NCOA6: variants seen among roughly 807,000 people sequenced by gnomAD.
NCOA6 encodes NRC RAP250.
Under a neutral mutation model 171.4 loss-of-function variants are expected in NCOA6, and 49 were observed. The ratio of observed to expected loss-of-function variants is 0.29; its 90% CI spans 0.23 to 0.36. NCOA6 has a LOEUF of 0.36. NCOA6 is among the 10% of genes least tolerant of loss of function. The probability of loss-of-function intolerance (pLI) is 1.00; values close to 1 mark genes in which losing one functional copy is unlikely to be tolerated. For missense variants in NCOA6, 2,248 were observed against 2,554.5 expected (o/e 0.88, Z 2.59); for synonymous variants, 910 against 927.5 (o/e 0.98, Z 0.34).
intron 1 of NCOA6, chr20:34,821,746 C>G (rs1411910038): frequency 1.3e-5 from 2 of 152,170 alleles, no homozygotes; most frequent in Non-Finnish European, 2.9e-5. Context: ...CGCCACCACG[C>G]CCGGCTAATT....
At chr20:34,735,164 T>A (rs2075911100) in intron 12 of NCOA6, among the ~76,000 whole-genome samples, 1 of 152,136 alleles carries the variant, frequency 6.6e-6, no homozygotes, top group Non-Finnish European at 1.5e-5. Context: ...ATATGGTAAA[T>A]CCTATTTTCT....
intron 2 of NCOA6, among the ~76,000 whole-genome samples, chr20:34,786,492 T>C (rs2077685404): frequency 6.6e-6 from 1 of 152,222 alleles, no homozygotes; most frequent in Non-Finnish European, 1.5e-5. Context: ...TTTAGTGCTA[T>C]AAATTTCCCA....
intron 12 of NCOA6, among the ~76,000 whole-genome samples, chr20:34,735,597 T>C (rs1600779323): frequency 6.6e-6 from 1 of 151,662 alleles, no homozygotes; most frequent in South Asian, 2.1e-4. Flanking sequence ...TGAGCCGAGA[T>C]TGCGCCACTG....
chr20:34,783,807 A>G (rs535658286), intron 2 of NCOA6, among the ~76,000 whole-genome samples: 10 of 152,220 alleles, frequency 6.6e-5, no homozygotes, highest in Non-Finnish European at 2.9e-5. Context: ...TAGTTTTAGT[A>G]GAGATGGGGT....
chr20:34,789,762 C>T (rs6141514), intron 2 of NCOA6, among the ~76,000 whole-genome samples: 69,221 of 151,842 alleles, frequency 0.46, 16,236 homozygotes, highest in East Asian at 0.63. Flanking sequence ...ACTATTGCTG[C>T]TCTGAGCAAC....
intron 5 of NCOA6, among the ~76,000 whole-genome samples, chr20:34,766,315 T>TATAGTTG (rs2046423263): frequency 6.6e-6 from 1 of 152,168 alleles, no homozygotes; most frequent in Non-Finnish European, 1.5e-5. Flanking sequence ...GATAATCAAC[T>TATAGTTG]ATAGCACTAT....
intron 13 of NCOA6, among the ~76,000 whole-genome samples, chr20:34,730,260 AT>A (rs942243146): frequency 1.4e-5 from 2 of 147,772 alleles, no homozygotes; most frequent in Non-Finnish European, 3.0e-5. Flanking sequence ...TTTATTTTTT[AT>A]TTTTTTTTCA....
Position 34,757,706 on chromosome 20 carries a change from G to T in NCOA6, c.1042C>A (p.Pro348Thr), listed in dbSNP as rs2076684171. The T allele has an allele frequency of 1.2e-6, 2 of 1,614,170 alleles. No individual in the cohort carries two copies. Among genetic ancestry groups the T allele is most frequent in the East Asian group, 4.5e-5 (2 of 44,892 alleles). Residue 348 changes from proline (P) to threonine (T), a missense_variant, in exon 7 of 15, where the codon CCC becomes ACC. By Grantham distance (38) the Pro-to-Thr change is conservative. Transcript: ENST00000359003. ...TGCTGTTGCATTGGGCCGGGCAAGG[G>T]AGCCTTCTTCCACCCTTGGTTTGCA... Reference protein sequence around the residue: ...MTANQGWKKAPLPGPMQQQLQ... With the variant: ...MTANQGWKKATLPGPMQQQLQ...
intron 13 of NCOA6, among the ~76,000 whole-genome samples, chr20:34,731,847 C>A (rs2075790362): frequency 6.6e-6 from 1 of 152,038 alleles, no homozygotes; most frequent in Non-Finnish European, 1.5e-5. Context: ...GTGGTGAAAC[C>A]CCGTCTCTAC....
chr20:34,767,094 G>T (rs182760165), intron 5 of NCOA6, among the ~76,000 whole-genome samples: 82 of 152,278 alleles, frequency 5.4e-4, no homozygotes, highest in African/African-American at 1.9e-3. Flanking sequence ...CTTAGGAAAT[G>T]TTTGCTACAC....
At chr20:34,761,275 TC>T (rs1295559725) in intron 5 of NCOA6, among the ~76,000 whole-genome samples, 3 of 152,210 alleles carry the variant, frequency 2.0e-5, no homozygotes, top group African/African-American at 7.2e-5. Flanking sequence ...CAGTTGGTGT[TC>T]TTTCTTAATA....
chr20:34,719,559 A>G (rs142937908), intron 14 of NCOA6, among the ~76,000 whole-genome samples: 21 of 151,966 alleles, frequency 1.4e-4, no homozygotes, highest in African/African-American at 3.9e-4. Flanking sequence ...TGAACCCAGG[A>G]GGCAGAGGTT....
chr20:34,776,638 T>G, intron 3 of NCOA6, 190 bp from the exon 4 acceptor site: 1 of 711,312 alleles, frequency 1.4e-6, no homozygotes, highest in Non-Finnish European at 2.5e-6. Context: ...TGGGTGACCA[T>G]GAACGAGCTA....
chr20:34,783,276 C>T (rs556391979), intron 2 of NCOA6, among the ~76,000 whole-genome samples: 171 of 150,608 alleles, frequency 1.1e-3, no homozygotes, highest in South Asian at 2.9e-3. Context: ...AGCAAGACTC[C>T]GTCTCAAAAA....
intron 1 of NCOA6, among the ~76,000 whole-genome samples, chr20:34,815,271 G>A (rs2078797511): frequency 6.6e-6 from 1 of 151,554 alleles, no homozygotes; most frequent in South Asian, 2.1e-4. Context: ...TGTTCACTCA[G>A]GAGACTGAGG....
intron 2 of NCOA6, among the ~76,000 whole-genome samples, chr20:34,790,782 T>C (rs1663815253): frequency 1.3e-5 from 2 of 152,214 alleles, no homozygotes; most frequent in South Asian, 4.2e-4. Flanking sequence ...TCCAAGTAGC[T>C]GGGATTACAG....
Position 34,750,287 on chromosome 20 carries a change from G to C in NCOA6, c.1908C>G (p.Val636=). ...GAGGGTTCAAGGTTCCTTGTTGCTG[G>C]ACCATCTGGCCCTGGGAGGGCACGA... is the stretch of plus-strand genomic sequence containing the variant. ...QQIVPSQGQM[V]QQQGTLNPQN... The change falls in exon 9 of 15, where the codon GTC becomes GTG. Residue 636 remains valine (V), a synonymous_variant. Transcript: ENST00000359003. 6.2e-7 allele frequency: 1 copy of C among 1,612,596 alleles called. No homozygotes were observed. The highest frequency in any genetic ancestry group is 8.5e-7 in the Non-Finnish European group (1 of 1,179,052).
rs565454014 is a variant in NCOA6 at position 34,784,223 on chromosome 20, C to CT, written c.-49-1820dup. Among the ~76,000 whole-genome samples the CT allele has an allele frequency of 1.9e-3, 281 of 145,242 alleles. 1 individual carries two copies. The highest frequency in any genetic ancestry group is 4.2e-3 in the Admixed American group (61 of 14,430). On this transcript the variant is annotated intron_variant, in intron 2 of 14. Coordinates refer to ENST00000359003, the MANE Select transcript of NCOA6 (RefSeq NM_014071.5). ...AAAAAGTAACTCAAACACCGTTTAACTTTTTTTTTTTTAATTTATTTTTTT... is the reference window on the plus strand; with the variant it reads ...AAAAAGTAACTCAAACACCGTTTAACTTTTTTTTTTTTTAATTTATTTTTTT...
intron 1 of NCOA6, among the ~76,000 whole-genome samples, chr20:34,825,248 C>T (rs1354911462): frequency 1.3e-5 from 2 of 151,450 alleles, no homozygotes; most frequent in Non-Finnish European, 3.0e-5. Flanking sequence ...AGCGCCCCCG[C>T]CCGCAGGCCT....
Sources: allele counts gnomAD v4.1 joint callset (sites outside exome capture counted in the v4.1 genomes callset), GRCh38; gene constraint gnomAD v4.1.1; transcripts MANE v1.5; gene names NCBI Gene and HGNC (gene_info 2026-07-23, HGNC 2026-07-21).